The following SLC35F1 variants were observed in gnomAD, a reference collection of about 807,000 sequenced individuals.
SLC35F1 encodes solute carrier family 35 member F1, also known as chromosome 6 open reading frame 169.
A neutral mutation model predicts 48.7 loss-of-function variants in SLC35F1; 14 were observed. That is an observed-to-expected ratio of 0.29 (90% confidence interval 0.19 to 0.45). The LOEUF is 0.45. Ranked by LOEUF, SLC35F1 falls within the 20% of genes least tolerant of loss-of-function variation. The probability of loss-of-function intolerance (pLI) is 1.00; values close to 1 mark genes in which losing one functional copy is unlikely to be tolerated. For missense variants in SLC35F1, 404 were observed against 500.0 expected (o/e 0.81, Z 1.83); for synonymous variants, 190 against 202.2 (o/e 0.94, Z 0.51).
chr6:118,099,537 C>G (rs188131613), intron 1 of SLC35F1, among the ~76,000 whole-genome samples: 8 of 151,962 alleles, frequency 5.3e-5, no homozygotes, highest in East Asian at 1.9e-4. Context: ...CCTGTTCCCC[C>G]CAAGAATTCC....
At chr6:118,274,777 A>G (rs939961868) in intron 4 of SLC35F1, among the ~76,000 whole-genome samples, 6 of 152,226 alleles carry the variant, frequency 3.9e-5, no homozygotes, top group Admixed American at 6.5e-5. Context: ...TTACACTCTT[A>G]TGTTACTTAC....
At chr6:117,923,729 A>ATACATG (rs1554216736) in intron 1 of SLC35F1, among the ~76,000 whole-genome samples, 1 of 89,970 alleles carries the variant, frequency 1.1e-5, no homozygotes, top group African/African-American at 4.4e-5. Context: ...ATATATACAT[A>ATACATG]TGTATATATA....
intron 1 of SLC35F1, among the ~76,000 whole-genome samples, chr6:118,017,541 A>G (rs1777338636): frequency 6.6e-6 from 1 of 152,184 alleles, no homozygotes; most frequent in South Asian, 2.1e-4. Flanking sequence ...CTCAACTTCA[A>G]GTAGAGAGTG....
intron 1 of SLC35F1, among the ~76,000 whole-genome samples, chr6:117,948,965 G>A (rs1470491124): frequency 6.6e-6 from 1 of 152,112 alleles, no homozygotes; most frequent in Non-Finnish European, 1.5e-5. Context: ...GAGTTTCAAA[G>A]ACATTTGGTG....
At chr6:118,129,980 T>C (rs1215157961) in intron 1 of SLC35F1, among the ~76,000 whole-genome samples, 1 of 152,218 alleles carries the variant, frequency 6.6e-6, no homozygotes, top group Non-Finnish European at 1.5e-5. Context: ...GTATCAACTG[T>C]CAGTCTCCCA....
At chr6:117,979,269 G>A (rs1038825512) in intron 1 of SLC35F1, among the ~76,000 whole-genome samples, 10 of 152,150 alleles carry the variant, frequency 6.6e-5, no homozygotes, top group Non-Finnish European at 1.2e-4. Context: ...GTGGAACAGG[G>A]CTCAGGTTGG....
rs79716880 is a variant in SLC35F1 at position 118,217,543 on chromosome 6, T to C, written c.350-17966T>C. 7.7e-3 allele frequency among the ~76,000 whole-genome samples: 1,176 copies of C among 152,264 alleles called. 8 individuals are homozygous for C. Among genetic ancestry groups the C allele is most frequent in the East Asian group, 0.028 (145 of 5,192 alleles). ...GGTCATGAAAAGCTCTGAAGATGGT[T>C]AGTGGTGATGGTTGCACAACAATGC... On this transcript the variant is annotated intron_variant, in intron 2 of 7. Coordinates refer to ENST00000360388, the MANE Select transcript of SLC35F1 (RefSeq NM_001029858.4).
chr6:117,946,421 T>C lies in SLC35F1; in HGVS notation c.173+38522T>C, dbSNP rs148085391. Among the ~76,000 whole-genome samples the C allele has an allele frequency of 3.8e-4, 58 of 152,348 alleles. No individual in the cohort carries two copies. The East Asian group carries it at 9.4e-3, about 25-fold the overall frequency. Reference sequence around the variant, plus strand: ...TTCAAATAAGAGTCAGCTGAAGTTTTGAGAGATTGATGCATCTGCTCACAG... The same window carrying C: ...TTCAAATAAGAGTCAGCTGAAGTTTCGAGAGATTGATGCATCTGCTCACAG... On this transcript the variant is annotated intron_variant, in intron 1 of 7. Transcript: ENST00000360388.
At chr6:118,237,404 T>A (rs1775379858) in intron 3 of SLC35F1, among the ~76,000 whole-genome samples, 1 of 152,088 alleles carries the variant, frequency 6.6e-6, no homozygotes, top group Non-Finnish European at 1.5e-5. Context: ...GCATAACTTT[T>A]TTTTTCCTTT....
chr6:118,006,141 A>G (rs536979885), intron 1 of SLC35F1, among the ~76,000 whole-genome samples: 16 of 152,272 alleles, frequency 1.1e-4, no homozygotes, highest in African/African-American at 3.6e-4. Context: ...TATTGCTATT[A>G]TCATTTTTTG....
intron 1 of SLC35F1, among the ~76,000 whole-genome samples, chr6:117,932,356 G>A (rs958878988): frequency 1.3e-5 from 2 of 152,152 alleles, no homozygotes; most frequent in African/African-American, 4.8e-5. Context: ...ATATTTCAAG[G>A]TATAAGAAAC....
chr6:118,001,569 G>A (rs866612211), intron 1 of SLC35F1, among the ~76,000 whole-genome samples: 1 of 151,994 alleles, frequency 6.6e-6, no homozygotes, highest in Non-Finnish European at 1.5e-5. Flanking sequence ...AACACCAAAA[G>A]CAATGGCAAC....
intron 2 of SLC35F1, among the ~76,000 whole-genome samples, chr6:118,204,417 TTA>T (rs1366563233): frequency 2.0e-5 from 3 of 152,198 alleles, no homozygotes; most frequent in Non-Finnish European, 4.4e-5. Context: ...TTGGGGAAGG[TTA>T]TGATCAAAAT....
intron 2 of SLC35F1, among the ~76,000 whole-genome samples, chr6:118,215,249 A>G (rs1314916047): frequency 6.6e-6 from 1 of 152,128 alleles, no homozygotes; most frequent in African/African-American, 2.4e-5. Flanking sequence ...CAAGGTATTG[A>G]GGTAGATGAA....
chr6:118,112,136 C>A (rs1252480907), intron 1 of SLC35F1, among the ~76,000 whole-genome samples: 3 of 91,754 alleles, frequency 3.3e-5, no homozygotes, highest in Non-Finnish European at 5.0e-5. Context: ...CTTTTCTTTT[C>A]TTTTCTTTTT....
intron 2 of SLC35F1, among the ~76,000 whole-genome samples, chr6:118,183,220 TG>T (rs1345630825): frequency 6.6e-6 from 1 of 152,196 alleles, no homozygotes; most frequent in Non-Finnish European, 1.5e-5. Flanking sequence ...AATGATTGGT[TG>T]GCATGTTTAT....
intron 1 of SLC35F1, among the ~76,000 whole-genome samples, chr6:118,038,847 C>T (rs1772170524): frequency 6.6e-6 from 1 of 152,098 alleles, no homozygotes. Context: ...GTCTTCAACT[C>T]CTGGCCTTAA....
chr6:118,101,352 G>A (rs1286778162), intron 1 of SLC35F1, among the ~76,000 whole-genome samples: 1 of 152,164 alleles, frequency 6.6e-6, no homozygotes, highest in East Asian at 1.9e-4. Flanking sequence ...AGGGAGTGAG[G>A]ATCTGCTGTG....
intron 2 of SLC35F1, among the ~76,000 whole-genome samples, chr6:118,196,061 C>G (rs1774796639): frequency 6.6e-6 from 1 of 152,138 alleles, no homozygotes; most frequent in African/African-American, 2.4e-5. Context: ...GGGGGGGCCT[C>G]CTGATCAGAA....
Sources: gnomAD v4.1 joint callset for allele counts (sites outside exome capture counted in the v4.1 genomes callset) on GRCh38, gnomAD v4.1.1 for gene constraint, MANE v1.5 for transcripts, NCBI Gene and HGNC (gene_info 2026-07-23, HGNC 2026-07-21) for gene names.